Variants in SLIT3 observed in about 807,000 individuals in gnomAD.
SLIT3 encodes the protein slit guidance ligand 3.
A neutral mutation model predicts 184.0 loss-of-function variants in SLIT3; 68 were observed. The ratio of observed to expected loss-of-function variants is 0.37; its 90% CI spans 0.30 to 0.45. The LOEUF (loss-of-function observed/expected upper bound fraction) is 0.45, where lower values mean the gene tolerates loss of function less well. SLIT3 is among the 20% of genes least tolerant of loss of function. The pLI is 1.00. For missense variants in SLIT3, 1,707 were observed against 2,026.0 expected, an observed-to-expected ratio of 0.84 and a Z score of 3.02; for synonymous variants, 831 against 828.6, an observed-to-expected ratio of 1.00 and a Z score of -0.05.
At chr5:168,779,564 A>T (rs939484938) in intron 12 of SLIT3, among the ~76,000 whole-genome samples, 16 of 152,090 alleles carry the variant, frequency 1.1e-4, no homozygotes, top group African/African-American at 3.9e-4. Context: ...AGGTATTAGC[A>T]CTCAGCCCAT....
At chr5:169,049,829 T>C (rs1441496477) in intron 4 of SLIT3, among the ~76,000 whole-genome samples, 2 of 152,184 alleles carry the variant, frequency 1.3e-5, no homozygotes, top group Non-Finnish European at 2.9e-5. Context: ...AAGAGTTCTG[T>C]AGTTCCCAGG....
At position 169,300,551 on chromosome 5, in the gene SLIT3, G is replaced by A; in HGVS notation, c.159C>T (p.Arg53=). 2.0e-6 allele frequency: 3 copies of A among 1,510,472 alleles called. No individual in the cohort carries two copies. The highest frequency in any genetic ancestry group is 1.8e-6 in the Non-Finnish European group (2 of 1,132,806). 93.6% of individuals were successfully genotyped at this position (1,510,472 alleles called of 1,614,324 possible). The change falls in exon 1 of 36, where the codon CGC becomes CGT. Residue 53 remains arginine, a synonymous_variant. Coordinates refer to ENST00000519560, the MANE Select transcript of SLIT3 (RefSeq NM_003062.4). The surrounding 1 kb of genome is among the most constrained non-coding windows in gnomAD (Gnocchi z 4.1). Reference sequence around the variant, plus strand: ...TGCGGGGGATGCCCCGAGGAACCGCGCGGAGGCCCAGCCCGTGGCAGTCCA... The same window carrying A: ...TGCGGGGGATGCCCCGAGGAACCGCACGGAGGCCCAGCCCGTGGCAGTCCA... ...ASVDCHGLGL[R]AVPRGIPRNA...
intron 20 of SLIT3, among the ~76,000 whole-genome samples, chr5:168,729,877 C>A (rs755801834): frequency 6.6e-6 from 1 of 152,124 alleles, no homozygotes; most frequent in African/African-American, 2.4e-5. Flanking sequence ...CATATCAATA[C>A]TAACCCTGAA....
chr5:168,702,305 G>T (rs945587547), intron 26 of SLIT3, among the ~76,000 whole-genome samples: 3 of 152,204 alleles, frequency 2.0e-5, no homozygotes, highest in African/African-American at 7.2e-5. Flanking sequence ...TGGTGTGATT[G>T]TTATTACACT....
intron 4 of SLIT3, among the ~76,000 whole-genome samples, chr5:168,908,842 A>G (rs1761165072): frequency 6.6e-6 from 1 of 152,186 alleles, no homozygotes; most frequent in Non-Finnish European, 1.5e-5. Context: ...TCAACTAAAA[A>G]TGCTTCCCAT....
intron 4 of SLIT3, among the ~76,000 whole-genome samples, chr5:169,047,736 T>C (rs1341538584): frequency 6.6e-6 from 1 of 152,140 alleles, no homozygotes; most frequent in East Asian, 1.9e-4. Flanking sequence ...CTTTTTTCTT[T>C]TTTTGGCTGG....
chr5:168,869,913 T>TA (rs1214672732), intron 5 of SLIT3, among the ~76,000 whole-genome samples: 4 of 152,226 alleles, frequency 2.6e-5, no homozygotes, highest in Non-Finnish European at 4.4e-5. Context: ...AGGAGAATGT[T>TA]AACAATGGCA....
intron 3 of SLIT3, among the ~76,000 whole-genome samples, chr5:169,219,475 C>T (rs760876945): frequency 3.3e-5 from 5 of 152,238 alleles, no homozygotes; most frequent in Non-Finnish European, 7.3e-5. Context: ...TGAAACAGGA[C>T]TTCTGTCAGG....
chr5:169,209,168 A>C (rs535976086), intron 3 of SLIT3, among the ~76,000 whole-genome samples: 4 of 152,348 alleles, frequency 2.6e-5, no homozygotes, highest in African/African-American at 4.8e-5. Context: ...TCTCAAAAGA[A>C]GACATTTATG....
intron 7 of SLIT3, among the ~76,000 whole-genome samples, chr5:168,821,561 C>T (rs1326284084): frequency 6.6e-6 from 1 of 152,178 alleles, no homozygotes. Context: ...CTGCACTACC[C>T]TATTTTAAGA....
chr5:169,231,126 C>G (rs560041092), intron 3 of SLIT3, among the ~76,000 whole-genome samples: 25 of 152,174 alleles, frequency 1.6e-4, no homozygotes, highest in Non-Finnish European at 2.4e-4. Flanking sequence ...TGTCCCATAT[C>G]TGTATGGGTT....
intron 5 of SLIT3, among the ~76,000 whole-genome samples, chr5:168,856,112 A>G (rs1000887973): frequency 5.3e-5 from 8 of 152,232 alleles, no homozygotes; most frequent in Non-Finnish European, 8.8e-5. Flanking sequence ...CCATCTTACA[A>G]AAGAAAAAAA....
chr5:169,224,007 T>C (rs1169603933), intron 3 of SLIT3, among the ~76,000 whole-genome samples: 3 of 152,184 alleles, frequency 2.0e-5, no homozygotes, highest in Non-Finnish European at 4.4e-5. Flanking sequence ...ATATCTCGTC[T>C]TTTACTAAGT....
chr5:168,753,236 T>A (rs1561911857), intron 17 of SLIT3, 138 bp from the exon 18 acceptor site: 3 of 868,222 alleles, frequency 3.5e-6, no homozygotes, highest in Non-Finnish European at 3.5e-6. Context: ...TTGATCAGGT[T>A]TGTCCTGTGA....
At chr5:169,268,904 G>C (rs1452304806) in intron 1 of SLIT3, among the ~76,000 whole-genome samples, 2 of 151,290 alleles carry the variant, frequency 1.3e-5, no homozygotes, top group Non-Finnish European at 2.9e-5. Context: ...AATATTACAG[G>C]AATCCTATAA....
chr5:168,939,880 A>G (rs1458934585), intron 4 of SLIT3, among the ~76,000 whole-genome samples: 1 of 152,216 alleles, frequency 6.6e-6, no homozygotes, highest in Non-Finnish European at 1.5e-5. Context: ...TTTTGTATAT[A>G]TTACTTAATT....
intron 5 of SLIT3, among the ~76,000 whole-genome samples, chr5:168,847,974 A>G (rs1271405550): frequency 6.6e-6 from 1 of 152,206 alleles, no homozygotes; most frequent in Non-Finnish European, 1.5e-5. Context: ...GGCATCTGCA[A>G]AAAGGGCTTT....
chr5:169,172,057 G>T (rs180773171), intron 4 of SLIT3, among the ~76,000 whole-genome samples: 52 of 152,226 alleles, frequency 3.4e-4, no homozygotes, highest in Non-Finnish European at 6.3e-4. Flanking sequence ...GGAGGTAGGG[G>T]GATAAGAAAG....
chr5:168,831,716 T>C (rs1561956891), intron 6 of SLIT3, among the ~76,000 whole-genome samples: 2 of 152,200 alleles, frequency 1.3e-5, no homozygotes, highest in Admixed American at 1.3e-4. Context: ...ACATTTTAAA[T>C]GGTCTCCAGG....
Sources: gnomAD v4.1 joint callset for allele counts (sites outside exome capture counted in the v4.1 genomes callset) on GRCh38, gnomAD v4.1.1 for gene constraint, Gnocchi (gnomAD v3.1) non-coding constraint, MANE v1.5 for transcripts, NCBI Gene and HGNC (gene_info 2026-07-23, HGNC 2026-07-21) for gene names.